Variants in PTGIS observed in about 807,000 individuals in gnomAD.
PTGIS encodes the protein prostacyclin synthase.
Under a neutral mutation model 50.3 loss-of-function variants are expected in PTGIS, and 45 were observed. That is an observed-to-expected ratio of 0.90 (90% confidence interval 0.70 to 1.15). The LOEUF (loss-of-function observed/expected upper bound fraction) is 1.15, where lower values mean the gene tolerates loss of function less well. Ranked by LOEUF, PTGIS falls within the 50% of genes most tolerant of loss-of-function variation. The pLI is 0.00. For synonymous variants in PTGIS, 260 were observed against 267.7 expected, an observed-to-expected ratio of 0.97 and a Z score of 0.28; for missense variants, 668 against 661.3, an observed-to-expected ratio of 1.01 and a Z score of -0.11.
chr20:49,561,599 G>T (rs546812958), intron 1 of PTGIS, among the ~76,000 whole-genome samples: 2 of 152,308 alleles, frequency 1.3e-5, no homozygotes, highest in African/African-American at 2.4e-5. Flanking sequence ...AGTGATTTTT[G>T]CATAAGAGGC....
Position 49,522,340 on chromosome 20 carries a change from G to A in PTGIS, c.855+1718C>T, listed in dbSNP as rs894189800. On this transcript the variant is annotated intron_variant, in intron 6 of 9. Transcript: ENST00000244043. ...TGACCACCCCAGCTAGAGCAGACCC[G>A]AAAGTCTCTCTATTCACAGCCCTGT... Among the ~76,000 whole-genome samples the A allele has an allele frequency of 1.2e-4, 18 of 151,922 alleles. 1 individual carries two copies. The highest frequency in any genetic ancestry group is 7.2e-4 in the Admixed American group (11 of 15,250).
Position 49,510,055 on chromosome 20 carries a change from A to G in PTGIS, c.1358+973T>C, listed in dbSNP as rs933871930. ...AGGCACGCTCCACCACACCCGGCCA[A>G]TTTTTGTATTTTTAGTAGAGACGGG... On this transcript the variant is annotated intron_variant, in intron 9 of 9. Coordinates refer to ENST00000244043, the MANE Select transcript of PTGIS (RefSeq NM_000961.4). 7.3e-5 allele frequency among the ~76,000 whole-genome samples: 11 copies of G among 151,316 alleles called. 1 individual carries two copies. The highest frequency in any genetic ancestry group is 1.6e-4 in the Non-Finnish European group (11 of 67,846).
At chr20:49,538,157 AG>A (rs1982127862) in intron 5 of PTGIS, among the ~76,000 whole-genome samples, 1 of 145,564 alleles carries the variant, frequency 6.9e-6, no homozygotes, top group Non-Finnish European at 1.5e-5. Flanking sequence ...CAAGAAGCTG[AG>A]GGGGAAGGAT....
chr20:49,544,460 A>G lies in PTGIS; in HGVS notation c.378-12T>C, dbSNP rs1442606407. On this transcript the variant is annotated splice_polypyrimidine_tract_variant and intron_variant, in intron 3 of 9. Transcript: ENST00000244043. ...TGTGGAGAAGAGTCCTGAGGCAGGA[A>G]ACAAAAGCATGAAAATTTGGCTTCC... is the stretch of plus-strand genomic sequence containing the variant. The G allele has an allele frequency of 6.2e-7, 1 of 1,614,096 alleles. No individual in the cohort carries two copies. The highest frequency in any genetic ancestry group is 2.2e-5 in the East Asian group (1 of 44,886).
chr20:49,519,439 C>T (rs1981586595), intron 6 of PTGIS, among the ~76,000 whole-genome samples: 1 of 152,040 alleles, frequency 6.6e-6, no homozygotes, highest in African/African-American at 2.4e-5. Flanking sequence ...ATTTTTCAGC[C>T]TCTCTGCAGC....
chr20:49,514,020 A>G (rs1351723625), intron 7 of PTGIS, among the ~76,000 whole-genome samples: 1 of 152,176 alleles, frequency 6.6e-6, no homozygotes, highest in African/African-American at 2.4e-5. Flanking sequence ...ACCTTAGTCA[A>G]TTGAAGTTAG....
intron 6 of PTGIS, among the ~76,000 whole-genome samples, chr20:49,521,466 G>A (rs1333419327): frequency 6.6e-6 from 1 of 152,190 alleles, no homozygotes; most frequent in Non-Finnish European, 1.5e-5. Flanking sequence ...TCCTGGCCCT[G>A]CCAAAGGCTG....
chr20:49,547,892 T>A lies in PTGIS; in HGVS notation c.326A>T (p.Asp109Val). 6.2e-7 allele frequency: 1 copy of A among 1,614,030 alleles called. No homozygotes were observed. The highest frequency in any genetic ancestry group is 1.1e-5 in the South Asian group (1 of 91,070). The change falls in exon 3 of 10, where the codon GAT (aspartate) becomes GTT (valine). Residue 109 changes from aspartate to valine, a missense_variant. Transcript: ENST00000244043. ...GGGGCTGTAATGTGGAAGCTGCACA[T>A]CAAAAATCCTCTCCATGAGGAAGAT... ...YAIFLMERIF[D>V]VQLPHYSPSD...
chr20:49,562,403 C>T (rs1226512994), intron 1 of PTGIS, among the ~76,000 whole-genome samples: 1 of 152,170 alleles, frequency 6.6e-6, no homozygotes, highest in East Asian at 1.9e-4. Context: ...CAGACAAAGG[C>T]AGGAAGCCCG....
chr20:49,539,790 G>T, intron 4 of PTGIS, 69 bp from the exon 5 acceptor site: 1 of 1,549,512 alleles, frequency 6.5e-7, no homozygotes, highest in South Asian at 1.2e-5. Context: ...CTACTCACAA[G>T]AGCTTCATTC....
At chr20:49,531,322 C>T (rs1378762201) in intron 5 of PTGIS, among the ~76,000 whole-genome samples, 2 of 152,120 alleles carry the variant, frequency 1.3e-5, no homozygotes, top group East Asian at 3.9e-4. Flanking sequence ...AGCTTGGTGG[C>T]TCAACCTGGG....
rs1981408935 is a variant in PTGIS, at chr20:49,514,245, C to A, written c.1006G>T (p.Asp336Tyr). The change falls in exon 7 of 10, where the codon GAC becomes TAC. Residue 336 changes from aspartate (D) to tyrosine (Y), a missense_variant. Asp to Tyr is a radical substitution (Grantham distance 160, BLOSUM62 -3). Transcript: ENST00000244043. ...QTTTLPQKVL[D>Y]STPVLDSVLS... ...ATCTCACCAAGCACAGGTGTGCTGTCTAGAACCTTCTGTGGGAGAGTGGTC... is the reference window on the plus strand; with the variant it reads ...ATCTCACCAAGCACAGGTGTGCTGTATAGAACCTTCTGTGGGAGAGTGGTC... 2 of 1,613,818 alleles carry A rather than the reference C, an allele frequency of 1.2e-6. No homozygotes were observed. Among genetic ancestry groups the A allele is most frequent in the Non-Finnish European group, 8.5e-7 (1 of 1,180,034 alleles).
intron 6 of PTGIS, among the ~76,000 whole-genome samples, chr20:49,515,866 A>G (rs771575145): frequency 6.6e-6 from 1 of 151,904 alleles, no homozygotes. Context: ...AGAAATATAC[A>G]TGAAGAAGTA....
At chr20:49,514,448 C>G (rs551807981) in intron 6 of PTGIS, 53 bp from the exon 7 acceptor site, 2 of 1,593,262 alleles carry the variant, frequency 1.3e-6, no homozygotes, top group Non-Finnish European at 1.7e-6. Context: ...GCTGACTCGT[C>G]TCTGCCAGGG....
At chr20:49,538,115 C>A (rs137920956) in intron 5 of PTGIS, among the ~76,000 whole-genome samples, 12 of 150,328 alleles carry the variant, frequency 8.0e-5, no homozygotes, top group African/African-American at 2.9e-4. Flanking sequence ...ATTAGCCAAG[C>A]CTAGTGGCAT....
rs191403242 is a variant in PTGIS at position 49,525,724 on chromosome 20, G to A, written c.674-1485C>T. Among the ~76,000 whole-genome samples, 70 of 151,832 alleles carry A rather than the reference G, an allele frequency of 4.6e-4. No individual in the cohort carries two copies. The East Asian group carries it at 9.9e-3, about 21-fold the overall frequency. Reference sequence around the variant, plus strand: ...TAAAATATAAAATTTGGTTTTCTCCGAAATCACCCCTTGGAAAAGTGAGAG... The same window carrying A: ...TAAAATATAAAATTTGGTTTTCTCCAAAATCACCCCTTGGAAAAGTGAGAG... On this transcript the variant is annotated intron_variant, in intron 5 of 9. Coordinates refer to ENST00000244043, the MANE Select transcript of PTGIS (RefSeq NM_000961.4).
At chr20:49,567,974 C>G (rs1982948104) in intron 1 of PTGIS, 69 bp downstream of exon 1, 2 of 1,403,044 alleles carry the variant, frequency 1.4e-6, no homozygotes, top group South Asian at 1.4e-5. Context: ...GCTCCGAGAC[C>G]CTTGGGCTGC....
At chr20:49,535,835 T>G (rs1452442742) in intron 5 of PTGIS, among the ~76,000 whole-genome samples, 2 of 152,250 alleles carry the variant, frequency 1.3e-5, no homozygotes, top group African/African-American at 4.8e-5. Flanking sequence ...GTATTTTTAA[T>G]GTTAATTTCA....
At chr20:49,521,896 ACT>A (rs1192719206) in intron 6 of PTGIS, among the ~76,000 whole-genome samples, 4 of 151,304 alleles carry the variant, frequency 2.6e-5, no homozygotes, top group African/African-American at 9.7e-5. Context: ...AAGTCCACTG[ACT>A]CTGTCTTCCT....
Sources: allele counts gnomAD v4.1 joint callset (sites outside exome capture counted in the v4.1 genomes callset), GRCh38; gene constraint gnomAD v4.1.1; transcripts MANE v1.5; gene names NCBI Gene and HGNC (gene_info 2026-07-23, HGNC 2026-07-21).